Variants in MYO3A observed in about 807,000 individuals in gnomAD.
MYO3A encodes myosin IIIA.
MYO3A carries 180 observed loss-of-function variants against 192.7 expected under a neutral mutation model. The observed-to-expected ratio is 0.93, with a 90% CI of 0.83 to 1.06. The LOEUF is 1.06. Ranked by LOEUF, MYO3A falls within the 50% of genes least tolerant of loss-of-function variation. MYO3A has a pLI of 0.00. For synonymous variants in MYO3A, 628 were observed against 645.3 expected, an observed-to-expected ratio of 0.97 and a Z score of 0.41; for missense variants, 1,896 against 1,905.0, an observed-to-expected ratio of 1.00 and a Z score of 0.09.
intron 4 of MYO3A, among the ~76,000 whole-genome samples, chr10:25,985,161 C>G (rs1016762204): frequency 1.3e-5 from 2 of 150,324 alleles, no homozygotes; most frequent in Non-Finnish European, 3.0e-5. Context: ...TTACTTGAAC[C>G]GCGGAGGCAG....
intron 14 of MYO3A, among the ~76,000 whole-genome samples, chr10:26,077,232 G>GGTTTTTTTTTTT (rs1835632800): frequency 2.8e-5 from 1 of 35,774 alleles, no homozygotes; most frequent in Non-Finnish European, 6.8e-5. Flanking sequence ...ATATTCCTAA[G>GGTTTTTTTTTTT]GTTTTTTTTT....
rs542829889 is a variant in MYO3A, at chr10:26,203,271, T to C, written c.4730+164T>C. Among the ~76,000 whole-genome samples the C allele has an allele frequency of 3.3e-5, 5 of 152,322 alleles. No homozygotes were observed. In the East Asian group the frequency reaches 9.6e-4, roughly 29 times the overall value. ...AAAAGTAATGTCATGTACAGTGTTA[T>C]GGTAAAGTAATCAGATACCTCAGTT... On this transcript the variant is annotated intron_variant, in intron 34 of 34. Transcript: ENST00000642920.
Position 25,939,371 on chromosome 10 carries a change from C to T in MYO3A, c.-18+3541C>T, listed in dbSNP as rs545536683. Among the ~76,000 whole-genome samples, 18 of 151,874 alleles carry T rather than the reference C, an allele frequency of 1.2e-4. No homozygotes were observed. The South Asian group carries it at 1.2e-3, about 11-fold the overall frequency. On this transcript the variant is annotated intron_variant, in intron 2 of 34. Coordinates refer to ENST00000642920, the MANE Select transcript of MYO3A (RefSeq NM_017433.5). Reference sequence around the variant, plus strand: ...CTGTAATGTTTTTCTTTAATTTATACCCTTCTCTTTTTCTACTGTCATTGG... The same window carrying T: ...CTGTAATGTTTTTCTTTAATTTATATCCTTCTCTTTTTCTACTGTCATTGG...
intron 17 of MYO3A, among the ~76,000 whole-genome samples, chr10:26,104,857 G>A (rs1291908738): frequency 1.6e-5 from 2 of 123,926 alleles, no homozygotes; most frequent in Admixed American, 8.5e-5. Context: ...CCAGAGTCTT[G>A]TTTATAGATA....
chr10:26,148,673 A>G (rs1840614522), intron 23 of MYO3A, among the ~76,000 whole-genome samples: 1 of 152,200 alleles, frequency 6.6e-6, no homozygotes, highest in African/African-American at 2.4e-5. Flanking sequence ...TTCTCTCAGC[A>G]ACATTTTGTA....
At chr10:25,950,007 C>T (rs12258870) in intron 2 of MYO3A, among the ~76,000 whole-genome samples, 9 of 152,010 alleles carry the variant, frequency 5.9e-5, no homozygotes, top group South Asian at 2.1e-4. Flanking sequence ...GCATTGTTTT[C>T]GGAATTGTGG....
In MYO3A at chr10:26,050,720, C is replaced by G. The variant is rs115556326; in HGVS notation, c.954-16255C>G. Among the ~76,000 whole-genome samples, 4 of 152,296 alleles carry G rather than the reference C, an allele frequency of 2.6e-5. No individual in the cohort carries two copies. The South Asian group carries it at 8.3e-4, about 32-fold the overall frequency. Reference sequence around the variant, plus strand: ...GAGCAGAGAGAAGTCACATTTACAGCGTAAACACGCAAAATTTCCCAGTAT... The same window carrying G: ...GAGCAGAGAGAAGTCACATTTACAGGGTAAACACGCAAAATTTCCCAGTAT... On this transcript the variant is annotated intron_variant, in intron 10 of 34. Transcript: ENST00000642920.
rs535480513 is a variant in MYO3A, at chr10:26,143,239, G to A, written c.2263-209G>A. 1.9e-4 allele frequency among the ~76,000 whole-genome samples: 29 copies of A among 152,266 alleles called. No homozygotes were observed. In the Middle Eastern group the frequency reaches 0.01, roughly 54 times the overall value. Reference sequence around the variant, plus strand: ...CCAGCTACTCGGGAAGCTGAGGCAGGAGAATTGCTTGAACCTTGGAGGCAG... The same window carrying A: ...CCAGCTACTCGGGAAGCTGAGGCAGAAGAATTGCTTGAACCTTGGAGGCAG... On this transcript the variant is annotated intron_variant, in intron 20 of 34. Coordinates refer to ENST00000642920, the MANE Select transcript of MYO3A (RefSeq NM_017433.5).
Position 26,021,513 on chromosome 10 carries a change from G to A in MYO3A, c.596G>A (p.Cys199Tyr), listed in dbSNP as rs376059945. Residue 199 changes from cysteine to tyrosine, a missense_variant, in exon 8 of 35, where the codon TGT (cysteine) becomes TAT (tyrosine). Coordinates refer to ENST00000642920, the MANE Select transcript of MYO3A (RefSeq NM_017433.5). ...GTGGTTTTCTACTAGGTGATTGCAT[G>A]TGAACAGCAATTGGATACCACTTAT... ...PFWMAPEVIACEQQLDTTYDA... is the reference protein window; with the variant it reads ...PFWMAPEVIAYEQQLDTTYDA... 2.2e-5 allele frequency: 36 copies of A among 1,613,964 alleles called. No homozygotes were observed. Among genetic ancestry groups the A allele is most frequent in the Non-Finnish European group, 3.1e-5 (36 of 1,179,934 alleles).
At chr10:26,010,758 C>T (rs942904667) in intron 6 of MYO3A, among the ~76,000 whole-genome samples, 14 of 152,140 alleles carry the variant, frequency 9.2e-5, no homozygotes, top group East Asian at 1.9e-4. Context: ...CACCGCACCC[C>T]GCCAAGATTC....
At chr10:25,938,843 T>C (rs566563377) in intron 2 of MYO3A, among the ~76,000 whole-genome samples, 1 of 152,316 alleles carries the variant, frequency 6.6e-6, no homozygotes, top group East Asian at 1.9e-4. Context: ...TTTATTGATA[T>C]TTGCATTATA....
intron 23 of MYO3A, among the ~76,000 whole-genome samples, chr10:26,149,609 C>A (rs570345527): frequency 1.8e-5 from 2 of 109,918 alleles, no homozygotes; most frequent in East Asian, 4.4e-4. Flanking sequence ...GAATAGATTA[C>A]CCTTTTTTTT....
chr10:26,068,743 G>C, intron 11 of MYO3A, 25 bp from the exon 12 acceptor site: 1 of 1,412,514 alleles, frequency 7.1e-7, no homozygotes, highest in Non-Finnish European at 1.0e-6. Flanking sequence ...TTTTAAGAAG[G>C]AGAAATTATT....
intron 2 of MYO3A, among the ~76,000 whole-genome samples, chr10:25,945,794 G>A (rs1469278319): frequency 2.6e-5 from 4 of 151,884 alleles, no homozygotes; most frequent in African/African-American, 4.8e-5. Context: ...GTTGTTTTTC[G>A]ATGTTATAAC....
chr10:25,959,541 T>C (rs1402807337), intron 4 of MYO3A, among the ~76,000 whole-genome samples: 1 of 152,112 alleles, frequency 6.6e-6, no homozygotes, highest in Admixed American at 6.6e-5. Flanking sequence ...TTCATTACAC[T>C]TTTGGAGCGC....
At chr10:26,098,749 C>A (rs1403533988) in intron 17 of MYO3A, among the ~76,000 whole-genome samples, 1 of 152,166 alleles carries the variant, frequency 6.6e-6, no homozygotes, top group African/African-American at 2.4e-5. Flanking sequence ...TCTGAGGGTT[C>A]TTTTCTGTTC....
At chr10:26,170,913 C>T (rs1458215000) in intron 29 of MYO3A, among the ~76,000 whole-genome samples, 9 of 152,194 alleles carry the variant, frequency 5.9e-5, no homozygotes, top group Admixed American at 5.2e-4. Flanking sequence ...TCATAATCAC[C>T]AGCTGCTCTT....
chr10:25,961,665 G>A (rs556039474), intron 4 of MYO3A, among the ~76,000 whole-genome samples: 1 of 152,138 alleles, frequency 6.6e-6, no homozygotes, highest in Non-Finnish European at 1.5e-5. Context: ...AAAGCAAGAA[G>A]TTGGCAAACT....
intron 2 of MYO3A, among the ~76,000 whole-genome samples, chr10:25,944,450 TG>T (rs941656297): frequency 7.4e-4 from 113 of 152,200 alleles, no homozygotes; most frequent in African/African-American, 2.6e-3. Context: ...TTAATATTTT[TG>T]GAAGAGTTTG....
Sources: gnomAD v4.1 joint callset for allele counts (sites outside exome capture counted in the v4.1 genomes callset) on GRCh38, gnomAD v4.1.1 for gene constraint, MANE v1.5 for transcripts, NCBI Gene and HGNC (gene_info 2026-07-23, HGNC 2026-07-21) for gene names.